LAYN: variants seen among roughly 807,000 people sequenced by gnomAD.
LAYN encodes the protein layilin.
LAYN carries 38 observed loss-of-function variants against 43.6 expected under a neutral mutation model. That is an observed-to-expected ratio of 0.87 (90% CI 0.67 to 1.14). The LOEUF (loss-of-function observed/expected upper bound fraction) is 1.14. Among genes scored for constraint, LAYN ranks in the 50% most tolerant of loss-of-function variants. The pLI, the probability that LAYN is intolerant of heterozygous loss-of-function variation, is 0.00. For synonymous variants in LAYN, 168 were observed against 172.9 expected, an observed-to-expected ratio of 0.97 and a Z score of 0.22; for missense variants, 479 against 463.8, an observed-to-expected ratio of 1.03 and a Z score of -0.30.
intron 1 of LAYN, chr11:111,541,501 G>A: frequency 1.4e-6 from 2 of 1,472,424 alleles, no homozygotes; most frequent in Non-Finnish European, 1.8e-6. Flanking sequence ...AGTGTGGGAC[G>A]AGCCCCACCT....
At chr11:111,552,014 G>GTA (rs1193183443) in intron 3 of LAYN, among the ~76,000 whole-genome samples, 11 of 57,342 alleles carry the variant, frequency 1.9e-4, no homozygotes, top group African/African-American at 4.8e-4. Flanking sequence ...ATGTGTGTGT[G>GTA]TATATATATA....
intron 1 of LAYN, 83 bp downstream of exon 1, chr11:111,541,011 C>T: frequency 2.3e-6 from 3 of 1,319,598 alleles, no homozygotes; most frequent in Non-Finnish European, 3.1e-6. Flanking sequence ...TCTGGGTCGC[C>T]ACGTATGGGA....
In LAYN at chr11:111,560,506, C is replaced by CA; in HGVS notation, c.*52dup. 1 of 1,548,772 alleles carries CA rather than the reference C, an allele frequency of 6.5e-7. No individual in the cohort carries two copies. Among genetic ancestry groups the CA allele is most frequent in the South Asian group, 1.2e-5 (1 of 81,010 alleles). Reference sequence around the variant, plus strand: ...ACAACAATGGAAAAGAAATGATAAGCAAAATCCTCTTATTTTCTATAAGGA... The same window carrying CA: ...ACAACAATGGAAAAGAAATGATAAGCAAAAATCCTCTTATTTTCTATAAGGA... On this transcript the variant is annotated 3_prime_UTR_variant, in exon 7 of 7. Transcript: ENST00000375614.
At chr11:111,559,947 C>A (rs1484491457) in intron 6 of LAYN, 148 bp from the exon 7 acceptor site, 11 of 859,800 alleles carry the variant, frequency 1.3e-5, no homozygotes, top group Non-Finnish European at 1.8e-5. Flanking sequence ...TTCCCTCCCA[C>A]TCCGAAGCCC....
intron 1 of LAYN, chr11:111,541,594 C>CTCTGGAT (rs1565260948): frequency 6.5e-7 from 1 of 1,535,838 alleles, no homozygotes; most frequent in Admixed American, 2.0e-5. Flanking sequence ...AGGTAAAGTG[C>CTCTGGAT]TCTGGCTTCT....
At chr11:111,546,598 G>A (rs1302147674) in intron 2 of LAYN, among the ~76,000 whole-genome samples, 1 of 152,208 alleles carries the variant, frequency 6.6e-6, no homozygotes, top group Non-Finnish European at 1.5e-5. Flanking sequence ...GTGAGCTAAG[G>A]AAGAGGCTCT....
Position 111,540,805 on chromosome 11 carries a change from G to T in LAYN, c.-39G>T, listed in dbSNP as rs1591561742. Reference sequence around the variant, plus strand: ...CTGCCCGCCAGCCCGCTCCACCGCCGTAGCGCCCGAGTGTCGGGGGGCGCA... The same window carrying T: ...CTGCCCGCCAGCCCGCTCCACCGCCTTAGCGCCCGAGTGTCGGGGGGCGCA... On this transcript the variant is annotated 5_prime_UTR_variant, in exon 1 of 7. Coordinates refer to ENST00000375614, the MANE Select transcript of LAYN (RefSeq NM_178834.5). 4.0e-6 allele frequency: 6 copies of T among 1,508,908 alleles called. No individual in the cohort carries two copies. Among genetic ancestry groups the T allele is most frequent in the Non-Finnish European group, 1.8e-6 (2 of 1,134,790 alleles). The allele number at this position is 1,508,908 out of a possible 1,614,324, so 93.5% of individuals were successfully genotyped here.
intron 1 of LAYN, among the ~76,000 whole-genome samples, chr11:111,542,668 G>A (rs1372807285): frequency 6.6e-6 from 1 of 152,232 alleles, no homozygotes; most frequent in East Asian, 1.9e-4. Context: ...CCCCGGCACT[G>A]TGGCAGCAGT....
chr11:111,554,476 T>C, intron 3 of LAYN, 85 bp from the exon 4 acceptor site: 1 of 1,017,054 alleles, frequency 9.8e-7, no homozygotes, highest in South Asian at 1.3e-5. Context: ...AGCAAATAAA[T>C]GGATGCCATG....
At position 111,554,544 on chromosome 11, in the gene LAYN, G is replaced by A. The variant is rs761186327; in HGVS notation, c.542-17G>A. 3 of 1,605,954 alleles carry A rather than the reference G, an allele frequency of 1.9e-6. No individual in the cohort carries two copies. The highest frequency in any genetic ancestry group is 2.6e-6 in the Non-Finnish European group (3 of 1,175,194). On this transcript the variant is annotated splice_polypyrimidine_tract_variant and intron_variant, in intron 3 of 6. Coordinates refer to ENST00000375614, the MANE Select transcript of LAYN (RefSeq NM_178834.5). Reference sequence around the variant, plus strand: ...AAACTTACTACTTATTTTTGTTTTTGTTTCTTTCTACTACAGAGAAACCAG... The same window carrying A: ...AAACTTACTACTTATTTTTGTTTTTATTTCTTTCTACTACAGAGAAACCAG...
chr11:111,540,705 T>TC (rs982181175), upstream of LAYN: 15 of 781,504 alleles, frequency 1.9e-5, no homozygotes, highest in African/African-American at 3.7e-5. Context: ...CTCCGCGCCC[T>TC]CCCCCCCGCC....
rs745552777 is a variant in LAYN at position 111,543,954 on chromosome 11, G to A, written c.117G>A (p.Arg39=). 8.1e-6 allele frequency: 13 copies of A among 1,613,786 alleles called. No homozygotes were observed. Among genetic ancestry groups the A allele is most frequent in the East Asian group, 2.2e-5 (1 of 44,880 alleles). ...CAGTCTGCCGGGGAGGGACACAGAG[G>A]CCTTGTTATAAAGTCATTTACTTCC... ...GQPVCRGGTQ[R]PCYKVIYFHD... The change falls in exon 2 of 7, where the codon AGG becomes AGA. Residue 39 remains arginine (R), a synonymous_variant. Transcript: ENST00000375614.
Position 111,544,065 on chromosome 11 carries a change from A to C in LAYN, c.228A>C (p.Glu76Asp). ...GCCAGCTAGTCAGCATCGAGTCTGA[A>C]GATGAACAGAAACTGATAGAAAAGT... The part of the protein sequence containing the change: ...DGGQLVSIES[E>D]DEQKLIEKFI... Residue 76 changes from glutamate to aspartate, a missense_variant, in exon 2 of 7, where the codon GAA becomes GAC. Coordinates refer to ENST00000375614, the MANE Select transcript of LAYN (RefSeq NM_178834.5). 6.2e-7 allele frequency: 1 copy of C among 1,614,212 alleles called. No individual in the cohort carries two copies. The highest frequency in any genetic ancestry group is 8.5e-7 in the Non-Finnish European group (1 of 1,180,040).
rs753478488 is a variant in LAYN at position 111,557,630 on chromosome 11, A to G, written c.748A>G (p.Ile250Val). Residue 250 changes from isoleucine to valine, a missense_variant, in exon 6 of 7, where the codon ATC becomes GTC. Physicochemically the swap from Ile to Val is conservative, Grantham distance 29. Transcript: ENST00000375614. ...VVTTVVCWVWICRKRKREQPD... is the reference protein window; with the variant it reads ...VVTTVVCWVWVCRKRKREQPD... ...CACCACAGTTGTATGTTGGGTTTGG[A>G]TCTGTAGAAAAAGGCAAGTAAAACC... 50 of 1,613,270 alleles carry G rather than the reference A, an allele frequency of 3.1e-5. No homozygotes were observed. The highest frequency in any genetic ancestry group is 1.6e-5 in the Non-Finnish European group (19 of 1,179,412).
At chr11:111,549,553 C>T in intron 2 of LAYN, 65 bp from the exon 3 acceptor site, 1 of 1,350,734 alleles carries the variant, frequency 7.4e-7, no homozygotes, top group Non-Finnish European at 9.9e-7. Context: ...GACGGGAAAA[C>T]AAAGGCTTTG....
intron 3 of LAYN, 150 bp downstream of exon 3, chr11:111,549,925 G>A: frequency 1.3e-6 from 1 of 771,012 alleles, no homozygotes; most frequent in Admixed American, 3.2e-5. Flanking sequence ...CTTGTAAAGG[G>A]CAATGTAATG....
intron 1 of LAYN, chr11:111,541,566 G>A (rs1022663493): frequency 2.0e-6 from 3 of 1,536,370 alleles, no homozygotes; most frequent in Admixed American, 2.0e-5. Context: ...CTGCAGCCTC[G>A]GATTTGGACC....
At chr11:111,546,642 T>C (rs1488726137) in intron 2 of LAYN, among the ~76,000 whole-genome samples, 1 of 152,236 alleles carries the variant, frequency 6.6e-6, no homozygotes, top group African/African-American at 2.4e-5. Flanking sequence ...GGAAGTCTGC[T>C]TTACCTGCTT....
At position 111,560,616 on chromosome 11, in the gene LAYN, C is replaced by A; in HGVS notation, c.*158C>A. The stretch of plus-strand genomic sequence containing the variant: ...CCCACGACCTCCTGTTGGACCCCCA[C>A]GTTTTGGCTGTATCCTTTATCCCAG... On this transcript the variant is annotated 3_prime_UTR_variant, in exon 7 of 7. Coordinates refer to ENST00000375614, the MANE Select transcript of LAYN (RefSeq NM_178834.5). 1.3e-6 allele frequency: 1 copy of A among 795,644 alleles called. No individual in the cohort carries two copies. Among genetic ancestry groups the A allele is most frequent in the Non-Finnish European group, 1.9e-6 (1 of 514,588 alleles). The allele number at this position is 795,644 out of a possible 1,614,324, so 49.3% of individuals were successfully genotyped here. A position where few individuals can be genotyped will look rare whatever the true frequency, so the allele number is the denominator to read the frequency against.
Sources: allele counts gnomAD v4.1 joint callset (sites outside exome capture counted in the v4.1 genomes callset), GRCh38; gene constraint gnomAD v4.1.1; transcripts MANE v1.5; gene names NCBI Gene and HGNC (gene_info 2026-07-23, HGNC 2026-07-21).